Variants in HEATR3 observed in about 807,000 individuals in gnomAD.
HEATR3 encodes the protein HEAT repeat containing 3.
HEATR3 carries 56 observed loss-of-function variants against 72.8 expected under a neutral mutation model. That is an observed-to-expected ratio of 0.77 (90% CI 0.62 to 0.96). The LOEUF (loss-of-function observed/expected upper bound fraction) is 0.96, where lower values mean the gene tolerates loss of function less well. HEATR3 is among the 40% of genes least tolerant of loss of function. The probability of loss-of-function intolerance (pLI) is 0.00; values close to 1 mark genes in which losing one functional copy is unlikely to be tolerated. For missense variants in HEATR3, 747 were observed against 831.4 expected (o/e 0.90, Z 1.25); for synonymous variants, 331 against 318.1 (o/e 1.04, Z -0.43).
chr16:50,083,917 CTTT>C lies in HEATR3; in HGVS notation c.1042-6_1042-4del, dbSNP rs5816672. 6.6e-3 allele frequency: 8,972 copies of C among 1,364,842 alleles called. No individual in the cohort carries two copies. The highest frequency in any genetic ancestry group is 8.5e-3 in the South Asian group (647 of 75,754). The allele number at this position is 1,364,842 out of a possible 1,614,324, so 84.5% of individuals were successfully genotyped here. On this transcript the variant is annotated splice_polypyrimidine_tract_variant and intron_variant, in intron 7 of 14. Transcript: ENST00000299192. ...CCAACCATTGAGAGTTGGTCATTTA[CTTT>C]TTTTTTTTTTTTTAAGCCCACTGAC...
At chr16:50,069,990 CTG>C (rs1374135809) in intron 3 of HEATR3, among the ~76,000 whole-genome samples, 186 bp from the exon 4 acceptor site, 1 of 152,202 alleles carries the variant, frequency 6.6e-6, no homozygotes, top group Non-Finnish European at 1.5e-5. Flanking sequence ...TGCCTTCCTA[CTG>C]TCTTTTATTA....
At chr16:50,091,388 A>C (rs1159775552) in intron 11 of HEATR3, among the ~76,000 whole-genome samples, 1 of 151,362 alleles carries the variant, frequency 6.6e-6, no homozygotes, top group East Asian at 1.9e-4. Context: ...AATCACTTGA[A>C]CCCGGGAGGC....
rs1265469411 is a variant in HEATR3, at chr16:50,100,215, C to T, written c.1600-15C>T. On this transcript the variant is annotated splice_polypyrimidine_tract_variant and intron_variant, in intron 12 of 14. Coordinates refer to ENST00000299192, the MANE Select transcript of HEATR3 (RefSeq NM_182922.4). ...AGTTTAACATTATAAATACTGTCCT[C>T]TTCTCTTTTAACAGTGCATGACTCC... 2 of 1,607,010 alleles carry T rather than the reference C, an allele frequency of 1.2e-6. No individual in the cohort carries two copies. The highest frequency in any genetic ancestry group is 1.7e-6 in the Non-Finnish European group (2 of 1,176,966).
intron 6 of HEATR3, among the ~76,000 whole-genome samples, chr16:50,077,702 T>C (rs2036768258): frequency 5.9e-5 from 9 of 152,160 alleles, no homozygotes. Context: ...CATAGTGGCC[T>C]CAAGGTTCAT....
At chr16:50,073,889 T>TTAA (rs1301708503) in intron 5 of HEATR3, 1 of 152,246 alleles carries the variant, frequency 6.6e-6, no homozygotes, top group African/African-American at 2.4e-5. Context: ...AAATACATTA[T>TTAA]TACTTTTGCT....
In HEATR3 at chr16:50,084,671, CA is replaced by C; in HGVS notation, c.1373+25del. ...TAGAAAGTAAGAACTCTTCTGCTTTCAAAAACATTTGTCATTATTTTATTTT... is the reference window on the plus strand; with the variant it reads ...TAGAAAGTAAGAACTCTTCTGCTTTCAAAACATTTGTCATTATTTTATTTT... On this transcript the variant is annotated intron_variant, in intron 10 of 14. Transcript: ENST00000299192. 2 of 1,506,730 alleles carry C rather than the reference CA, an allele frequency of 1.3e-6. No homozygotes were observed. Among genetic ancestry groups the C allele is most frequent in the Non-Finnish European group, 9.2e-7 (1 of 1,089,696 alleles). 93.3% of individuals were successfully genotyped at this position (1,506,730 alleles called of 1,614,324 possible). A position where few individuals can be genotyped will look rare whatever the true frequency, so the allele number is the denominator to read the frequency against.
At chr16:50,083,459 G>A (rs896825863) in intron 7 of HEATR3, among the ~76,000 whole-genome samples, 11 of 152,292 alleles carry the variant, frequency 7.2e-5, no homozygotes, top group Middle Eastern at 3.4e-3. Flanking sequence ...AGTTCTACAG[G>A]TCACATAAGG....
intron 7 of HEATR3, among the ~76,000 whole-genome samples, chr16:50,079,298 A>T (rs558881374): frequency 1.3e-5 from 2 of 152,302 alleles, no homozygotes; most frequent in Admixed American, 1.3e-4. Context: ...ATAGATGATC[A>T]CCTTCGTAAC....
Position 50,078,850 on chromosome 16 carries a change from G to A in HEATR3, c.873G>A (p.Met291Ile). 6.2e-7 allele frequency: 1 copy of A among 1,614,062 alleles called. No individual in the cohort carries two copies. Among genetic ancestry groups the A allele is most frequent in the Non-Finnish European group, 8.5e-7 (1 of 1,180,004 alleles). The change falls in exon 7 of 15, where the codon ATG (methionine) becomes ATA (isoleucine). Residue 291 changes from methionine to isoleucine, a missense_variant. Met to Ile is a conservative substitution (Grantham distance 10). Around this residue, in one of 2 missense-constraint regions of HEATR3, gnomAD observed 586 missense variants for 708.8 expected, o/e 0.83. Transcript: ENST00000299192. Reference sequence around the variant, plus strand: ...TTTTGGGAATGGATGCTGGTGAAATGGTTATTCAAATGAAAGAGGCTGAAA... The same window carrying A: ...TTTTGGGAATGGATGCTGGTGAAATAGTTATTCAAATGAAAGAGGCTGAAA... Reference protein sequence around the residue: ...SEVLGMDAGEMVIQMKEAETQ... With the variant: ...SEVLGMDAGEIVIQMKEAETQ...
Position 50,100,290 on chromosome 16 carries a change from G to T in HEATR3, c.1660G>T (p.Gly554Trp). 3.7e-6 allele frequency: 6 copies of T among 1,613,878 alleles called. No individual in the cohort carries two copies. Among genetic ancestry groups the T allele is most frequent in the Non-Finnish European group, 5.1e-6 (6 of 1,179,856 alleles). The change falls in exon 13 of 15, where the codon GGG becomes TGG. Residue 554 changes from glycine to tryptophan, a missense_variant. By Grantham distance (184) the Gly-to-Trp change is radical. This residue lies in a region of HEATR3 where 586 missense variants were observed against 708.8 expected (regional missense o/e 0.83). Transcript: ENST00000299192. ...CKAGIHSSNV[G>W]VRVNVVSILG... ...AGCAGGCATTCATAGTAGTAATGTC[G>T]GGGTTAGAGTGAATGTCGTTAGCAT... is the stretch of plus-strand genomic sequence containing the variant.
At chr16:50,102,601 CAACAGTG>C (rs1404470724) in intron 14 of HEATR3, among the ~76,000 whole-genome samples, 166 bp downstream of exon 14, 1 of 152,080 alleles carries the variant, frequency 6.6e-6, no homozygotes, top group African/African-American at 2.4e-5. Flanking sequence ...AGTCATAGCT[CAACAGTG>C]TGACTACTGA....
intron 11 of HEATR3, among the ~76,000 whole-genome samples, chr16:50,091,806 G>A (rs148996826): frequency 0.087 from 13,051 of 149,202 alleles, 643 homozygotes; most frequent in East Asian, 0.26. Flanking sequence ...CCTGGGAGGC[G>A]GAGCTTGCAG....
At chr16:50,074,752 G>T (rs1376174871) in intron 5 of HEATR3, 1 of 150,692 alleles carries the variant, frequency 6.6e-6, no homozygotes, top group East Asian at 2.0e-4. Context: ...GGAGGCTGAG[G>T]CGGGCGGATC....
rs1457604851 is a variant in HEATR3, at chr16:50,104,999, A to G, written c.1981A>G (p.Lys661Glu). 3 of 1,613,340 alleles carry G rather than the reference A, an allele frequency of 1.9e-6. No individual in the cohort carries two copies. Residue 661 changes from lysine (K) to glutamate (E), a missense_variant, in exon 15 of 15, where the codon AAA becomes GAA. By Grantham distance (56) the Lys-to-Glu change is moderately conservative. Transcript: ENST00000299192. ...TCAGCTGTGTGTTCTTGACAATGTGAAAATGAATTTGCGAAGATTTATTGC... is the reference window on the plus strand; with the variant it reads ...TCAGCTGTGTGTTCTTGACAATGTGGAAATGAATTTGCGAAGATTTATTGC... ...TDQLCVLDNV[K>E]MNLRRFIAYQ...
chr16:50,078,977 AG>A lies in HEATR3; in HGVS notation c.1001del (p.Arg334LysfsTer20). ...TGAAATGGAAGGAATTTCTCATAAAAGAAGAGTCAGAAGGAAAACTTTCGTT... is the reference window on the plus strand; with the variant it reads ...TGAAATGGAAGGAATTTCTCATAAAAAAGAGTCAGAAGGAAAACTTTCGTT... ...DDEMEGISHK[R>X]RVRRKTFVSD... On this transcript the variant is annotated frameshift_variant, in exon 7 of 15. Coordinates refer to ENST00000299192, the MANE Select transcript of HEATR3 (RefSeq NM_182922.4). LOFTEE classifies it high-confidence loss of function. The A allele has an allele frequency of 6.2e-7, 1 of 1,613,624 alleles. No individual in the cohort carries two copies. The highest frequency in any genetic ancestry group is 2.2e-5 in the East Asian group (1 of 44,852).
At chr16:50,098,021 T>C (rs1273152023) in intron 12 of HEATR3, among the ~76,000 whole-genome samples, 1 of 152,106 alleles carries the variant, frequency 6.6e-6, no homozygotes. Flanking sequence ...ATTGCTATCA[T>C]GTTGCCATTG....
chr16:50,098,331 C>G (rs1419539048), intron 12 of HEATR3: 1 of 151,876 alleles, frequency 6.6e-6, no homozygotes, highest in Non-Finnish European at 1.5e-5. Context: ...GGTATACAAC[C>G]CCCCACGCTA....
rs761863593 is a variant in HEATR3, at chr16:50,075,683, A to C, written c.735A>C (p.Glu245Asp). ...SALLSPVSSM[E>D]SLLLKTLVAG... Reference sequence around the variant, plus strand: ...TGCTTTCTCCTGTCAGTTCCATGGAATCTCTTCTATTGAAGACATTGGTAG... The same window carrying C: ...TGCTTTCTCCTGTCAGTTCCATGGACTCTCTTCTATTGAAGACATTGGTAG... The change falls in exon 6 of 15, where the codon GAA becomes GAC. Residue 245 changes from glutamate to aspartate, a missense_variant. Transcript: ENST00000299192. 1 of 1,613,664 alleles carries C rather than the reference A, an allele frequency of 6.2e-7. No individual in the cohort carries two copies. Among genetic ancestry groups the C allele is most frequent in the African/African-American group, 1.3e-5 (1 of 74,918 alleles).
chr16:50,097,918 C>T (rs1013239024), intron 12 of HEATR3, among the ~76,000 whole-genome samples: 11 of 141,874 alleles, frequency 7.8e-5, no homozygotes, highest in African/African-American at 1.1e-4. Flanking sequence ...AGTGAAACTC[C>T]GTCTCAAAAA....
Sources: gnomAD v4.1 joint callset for allele counts (sites outside exome capture counted in the v4.1 genomes callset) on GRCh38, gnomAD v4.1.1 for gene constraint, gnomAD v4.1.1 regional missense constraint, MANE v1.5 for transcripts, NCBI Gene and HGNC (gene_info 2026-07-23, HGNC 2026-07-21) for gene names.